Variants in GOLPH3 observed in about 807,000 individuals in gnomAD.
GOLPH3 encodes the protein golgi phosphoprotein 3, also known as coat protein GPP34.
In GOLPH3, 14 loss-of-function variants were observed where a neutral mutation model predicts 28.5. The observed-to-expected ratio is 0.49, with a 90% CI of 0.32 to 0.77. The LOEUF (loss-of-function observed/expected upper bound fraction) is 0.77, where lower values mean the gene tolerates loss of function less well. GOLPH3 is among the 30% of genes least tolerant of loss of function. The pLI, the probability that GOLPH3 is intolerant of heterozygous loss-of-function variation, is 0.03. For synonymous variants in GOLPH3, 158 were observed against 159.2 expected, an observed-to-expected ratio of 0.99 and a Z score of 0.06; for missense variants, 350 against 393.7, an observed-to-expected ratio of 0.89 and a Z score of 0.94.
At chr5:32,135,777 T>C (rs1386111838) in intron 2 of GOLPH3, 91 bp from the exon 3 acceptor site, 2 of 719,452 alleles carry the variant, frequency 2.8e-6, no homozygotes, top group African/African-American at 1.8e-5. Flanking sequence ...ATATAAATAA[T>C]TCATTATGCT....
chr5:32,148,070 A>C (rs1465902359), intron 1 of GOLPH3, among the ~76,000 whole-genome samples: 9 of 152,202 alleles, frequency 5.9e-5, no homozygotes, highest in Non-Finnish European at 1.3e-4. Flanking sequence ...AAAGAACATG[A>C]CTGAATAAAG....
In GOLPH3 at chr5:32,174,193, AG is replaced by A. The variant is rs1383797424; in HGVS notation, c.-160del. 1.2e-5 allele frequency: 5 copies of A among 416,638 alleles called. No homozygotes were observed. The East Asian group carries it at 1.5e-4, about 13-fold the overall frequency. 25.8% of individuals were successfully genotyped at this position (416,638 alleles called of 1,614,324 possible). A position where few individuals can be genotyped will look rare whatever the true frequency, so the allele number is the denominator to read the frequency against. ...GGGCCGGGGGCAGTCATGAGGAAAC[AG>A]GTCAGGGCGAAGCGGGCTGGCCGGG... is the stretch of plus-strand genomic sequence containing the variant. On this transcript the variant is annotated 5_prime_UTR_variant, in exon 1 of 4. Transcript: ENST00000265070.
In GOLPH3 at chr5:32,158,014, TAAATA is replaced by T. The variant is rs1561678514; in HGVS notation, c.226-14139_226-14135del. Among the ~76,000 whole-genome samples, 136 of 33,544 alleles carry T rather than the reference TAAATA, an allele frequency of 4.1e-3. 9 individuals carry two copies. The highest frequency in any genetic ancestry group is 0.012 in the African/African-American group (123 of 10,168). The allele number at this position is 33,544 out of a possible 152,430, so 22.0% of individuals were successfully genotyped here. The stretch of plus-strand genomic sequence containing the variant: ...ATAAATAAATAAATAAATAAATAAA[TAAATA>T]AAATACACACACACACACACACACA... On this transcript the variant is annotated intron_variant, in intron 1 of 3. Transcript: ENST00000265070.
At chr5:32,151,930 G>A (rs1746316401) in intron 1 of GOLPH3, among the ~76,000 whole-genome samples, 2 of 152,138 alleles carry the variant, frequency 1.3e-5, no homozygotes, top group East Asian at 1.9e-4. Flanking sequence ...AATTCATAGA[G>A]ACAGTGGTTC....
At chr5:32,133,478 G>A (rs942332522) in intron 3 of GOLPH3, among the ~76,000 whole-genome samples, 1 of 152,190 alleles carries the variant, frequency 6.6e-6, no homozygotes, top group Non-Finnish European at 1.5e-5. Flanking sequence ...GCAGTCATGG[G>A]CCAACACTGG....
chr5:32,133,027 A>G (rs959397591), intron 3 of GOLPH3, among the ~76,000 whole-genome samples: 3 of 152,262 alleles, frequency 2.0e-5, no homozygotes, highest in Non-Finnish European at 2.9e-5. Context: ...TGGCATCAAC[A>G]GCCAATCTAA....
chr5:32,129,416 C>A (rs1482398499), intron 3 of GOLPH3, among the ~76,000 whole-genome samples: 1 of 152,150 alleles, frequency 6.6e-6, no homozygotes, highest in African/African-American at 2.4e-5. Context: ...AATAAACATT[C>A]TGGCAGAATT....
intron 2 of GOLPH3, among the ~76,000 whole-genome samples, chr5:32,142,053 G>A (rs1247817349): frequency 1.3e-4 from 20 of 151,970 alleles, no homozygotes; most frequent in South Asian, 2.1e-4. Flanking sequence ...GAGCGTCTCC[G>A]CCTGGCTGCC....
chr5:32,151,049 TTA>T (rs1746294086), intron 1 of GOLPH3, among the ~76,000 whole-genome samples: 1 of 152,168 alleles, frequency 6.6e-6, no homozygotes, highest in African/African-American at 2.4e-5. Context: ...GTGAAAACCT[TTA>T]TAATCTGGGA....
intron 2 of GOLPH3, among the ~76,000 whole-genome samples, chr5:32,136,348 G>A (rs1371831581): frequency 6.6e-6 from 1 of 151,784 alleles, no homozygotes; most frequent in African/African-American, 2.4e-5. Flanking sequence ...GGGCGTGGTG[G>A]CAGGTGCCTG....
At position 32,155,532 on chromosome 5, in the gene GOLPH3, C is replaced by A. The variant is rs527985711; in HGVS notation, c.226-11652G>T. On this transcript the variant is annotated intron_variant, in intron 1 of 3. Transcript: ENST00000265070. ...CAATTAAATCTCAATAAAGCTGTTACCAAAAAAACTAAGCCAAAAACTCCC... is the reference window on the plus strand; with the variant it reads ...CAATTAAATCTCAATAAAGCTGTTAACAAAAAAACTAAGCCAAAAACTCCC... Among the ~76,000 whole-genome samples the A allele has an allele frequency of 1.2e-4, 19 of 152,050 alleles. No homozygotes were observed. The East Asian group carries it at 3.5e-3, about 28-fold the overall frequency.
chr5:32,147,728 G>A (rs777866714), intron 1 of GOLPH3, among the ~76,000 whole-genome samples: 4 of 152,054 alleles, frequency 2.6e-5, no homozygotes, highest in African/African-American at 4.8e-5. Context: ...TTATGATAGT[G>A]GCAGTAATTT....
chr5:32,170,664 G>A (rs574384280), intron 1 of GOLPH3, among the ~76,000 whole-genome samples: 1 of 152,182 alleles, frequency 6.6e-6, no homozygotes, highest in African/African-American at 2.4e-5. Context: ...AAGACATGAT[G>A]AGTTGGCTTG....
At chr5:32,162,250 T>C (rs1292766950) in intron 1 of GOLPH3, among the ~76,000 whole-genome samples, 5 of 150,382 alleles carry the variant, frequency 3.3e-5, no homozygotes, top group African/African-American at 1.0e-4. Flanking sequence ...CCCAGCACTT[T>C]GGGAGGCCAA....
chr5:32,139,696 G>A (rs1746014200), intron 2 of GOLPH3, among the ~76,000 whole-genome samples: 2 of 152,006 alleles, frequency 1.3e-5, no homozygotes, highest in South Asian at 4.1e-4. Context: ...CTTTTTTTGG[G>A]GGGACGGGAA....
Position 32,148,564 on chromosome 5 carries a change from A to G in GOLPH3, c.226-4684T>C, listed in dbSNP as rs80173543. 3.3e-5 allele frequency among the ~76,000 whole-genome samples: 5 copies of G among 152,260 alleles called. No homozygotes were observed. The East Asian group carries it at 5.8e-4, about 18-fold the overall frequency. On this transcript the variant is annotated intron_variant, in intron 1 of 3. Transcript: ENST00000265070. Reference sequence around the variant, plus strand: ...TGTAATCCCAGCACTTTGGGAGGCCAAGGTGGGCAGATCACGATGTCAGGA... The same window carrying G: ...TGTAATCCCAGCACTTTGGGAGGCCGAGGTGGGCAGATCACGATGTCAGGA...
At position 32,126,547 on chromosome 5, in the gene GOLPH3, T is replaced by C. The variant is rs1745685173; in HGVS notation, c.562A>G (p.Thr188Ala). The change falls in exon 4 of 4, where the codon ACA (threonine) becomes GCA (alanine). Residue 188 changes from threonine to alanine, a missense_variant. By Grantham distance (58) the Thr-to-Ala change is moderately conservative. Transcript: ENST00000265070. ...AGTAGGAAGTTCTGTTTCTCTGTTGTCAATACACCCTTTTCCACCAGGTTT... is the reference window on the plus strand; with the variant it reads ...AGTAGGAAGTTCTGTTTCTCTGTTGCCAATACACCCTTTTCCACCAGGTTT... Reference protein sequence around the residue: ...AKNLVEKGVLTTEKQNFLLFD... With the variant: ...AKNLVEKGVLATEKQNFLLFD... 6.2e-7 allele frequency: 1 copy of C among 1,614,056 alleles called. No homozygotes were observed. The highest frequency in any genetic ancestry group is 1.3e-5 in the African/African-American group (1 of 74,914).
Position 32,150,560 on chromosome 5 carries a change from T to C in GOLPH3, c.226-6680A>G, listed in dbSNP as rs187475356. ...AAATGATGTCACACTGGCACATGAA[T>C]AGACAGACCAACAGAATAAATTCCA... On this transcript the variant is annotated intron_variant, in intron 1 of 3. Transcript: ENST00000265070. Among the ~76,000 whole-genome samples the C allele has an allele frequency of 4.0e-5, 6 of 151,814 alleles. No homozygotes were observed. In the East Asian group the frequency reaches 9.6e-4, roughly 24 times the overall value.
At chr5:32,150,742 C>T (rs1746285464) in intron 1 of GOLPH3, among the ~76,000 whole-genome samples, 1 of 152,018 alleles carries the variant, frequency 6.6e-6, no homozygotes, top group African/African-American at 2.4e-5. Flanking sequence ...CAAAATGCTC[C>T]AATGAGCATT....
Sources: gnomAD v4.1 joint callset for allele counts (sites outside exome capture counted in the v4.1 genomes callset) on GRCh38, gnomAD v4.1.1 for gene constraint, MANE v1.5 for transcripts, NCBI Gene and HGNC (gene_info 2026-07-23, HGNC 2026-07-21) for gene names.